PIGU: variants seen among roughly 807,000 people sequenced by gnomAD.
The protein encoded by PIGU is phosphatidylinositol glycan anchor biosynthesis class U, also known as GPI-anchor transamidase component PIGU.
Under a neutral mutation model 49.9 loss-of-function variants are expected in PIGU, and 24 were observed. The ratio of observed to expected loss-of-function variants is 0.48; its 90% CI spans 0.35 to 0.68. The LOEUF is 0.68. Ranked by LOEUF, PIGU falls within the 30% of genes least tolerant of loss-of-function variation. The probability of loss-of-function intolerance (pLI) is 0.01; values close to 1 mark genes in which losing one functional copy is unlikely to be tolerated. For synonymous variants in PIGU, 220 were observed against 205.7 expected, an observed-to-expected ratio of 1.07 and a Z score of -0.59; for missense variants, 490 against 532.6, an observed-to-expected ratio of 0.92 and a Z score of 0.79.
intron 11 of PIGU, among the ~76,000 whole-genome samples, chr20:34,570,287 A>T (rs1802649685): frequency 6.6e-6 from 1 of 152,224 alleles, no homozygotes; most frequent in Admixed American, 6.5e-5. Flanking sequence ...TCTCTCCATG[A>T]GCCTATGAGT....
At chr20:34,610,002 C>T (rs1334904895) in intron 7 of PIGU, among the ~76,000 whole-genome samples, 4 of 152,110 alleles carry the variant, frequency 2.6e-5, no homozygotes, top group East Asian at 3.8e-4. Flanking sequence ...GCTTCCCCTT[C>T]GGCTATATTT....
Position 34,626,324 on chromosome 20 carries a change from C to T in PIGU, c.529+8291G>A, listed in dbSNP as rs1345890859. On this transcript the variant is annotated intron_variant, in intron 6 of 11. Coordinates refer to ENST00000217446, the MANE Select transcript of PIGU (RefSeq NM_080476.5). ...CAAACTTTTTTTTTTTTTTTTGAGA[C>T]GGAGCTCCGCTTTTGTTGCCCAGGC... is the stretch of plus-strand genomic sequence containing the variant. Among the ~76,000 whole-genome samples the T allele has an allele frequency of 5.1e-5, 7 of 137,878 alleles. No individual in the cohort carries two copies. In the South Asian group the frequency reaches 6.7e-4, roughly 13 times the overall value. 90.5% of individuals were successfully genotyped at this position (137,878 alleles called of 152,430 possible).
intron 1 of PIGU, among the ~76,000 whole-genome samples, 154 bp from the exon 2 acceptor site, chr20:34,657,398 G>A (rs940343562): frequency 5.9e-5 from 9 of 152,170 alleles, no homozygotes; most frequent in African/African-American, 2.2e-4. Flanking sequence ...CATTTCTGAT[G>A]ACGGGAAACT....
chr20:34,675,707 G>A (rs1270064515), intron 1 of PIGU, among the ~76,000 whole-genome samples: 1 of 152,042 alleles, frequency 6.6e-6, no homozygotes, highest in African/African-American at 2.4e-5. Context: ...AACATTCTAT[G>A]GGATAACATC....
At chr20:34,668,905 A>C in intron 1 of PIGU, among the ~76,000 whole-genome samples, 1 of 91,512 alleles carries the variant, frequency 1.1e-5, no homozygotes, top group African/African-American at 4.4e-5. Flanking sequence ...TTTTTTACAC[A>C]GGGTCTTGCT....
At chr20:34,615,710 C>G (rs1264680349) in intron 7 of PIGU, among the ~76,000 whole-genome samples, 3 of 152,086 alleles carry the variant, frequency 2.0e-5, no homozygotes, top group Non-Finnish European at 4.4e-5. Flanking sequence ...TCTAGTGTAT[C>G]CCTGCCTGTT....
intron 5 of PIGU, among the ~76,000 whole-genome samples, chr20:34,635,132 C>A (rs982238922): frequency 6.6e-6 from 1 of 152,190 alleles, no homozygotes; most frequent in Non-Finnish European, 1.5e-5. Flanking sequence ...GTTCATTTTA[C>A]TATTTCAGAT....
In PIGU at chr20:34,599,359, A is replaced by C. The variant is rs1984324797; in HGVS notation, c.628-10752T>G. 2.6e-5 allele frequency among the ~76,000 whole-genome samples: 4 copies of C among 152,090 alleles called. No homozygotes were observed. In the South Asian group the frequency reaches 8.3e-4, roughly 32 times the overall value. ...TCCCAGCTACTCGGGAGGCTGAGAC[A>C]GGAGGATTGCTTAAGCCTAGGAAGC... On this transcript the variant is annotated intron_variant, in intron 7 of 11. Coordinates refer to ENST00000217446, the MANE Select transcript of PIGU (RefSeq NM_080476.5).
At chr20:34,631,476 T>C (rs1210258693) in intron 6 of PIGU, among the ~76,000 whole-genome samples, 1 of 150,996 alleles carries the variant, frequency 6.6e-6, no homozygotes, top group African/African-American at 2.4e-5. Flanking sequence ...CATAATGAAT[T>C]TAAAAAGACG....
At chr20:34,589,990 T>C (rs148118106) in intron 7 of PIGU, among the ~76,000 whole-genome samples, 7 of 152,036 alleles carry the variant, frequency 4.6e-5, no homozygotes, top group Middle Eastern at 3.4e-3. Flanking sequence ...ACAGCAATTA[T>C]GAAACAATAT....
At chr20:34,580,376 C>T (rs1381326274) in intron 10 of PIGU, among the ~76,000 whole-genome samples, 1 of 152,244 alleles carries the variant, frequency 6.6e-6, no homozygotes, top group African/African-American at 2.4e-5. Flanking sequence ...CCCACTAGGC[C>T]ATCACCTGCA....
chr20:34,599,334 TCCC>T (rs1984323047), intron 7 of PIGU, among the ~76,000 whole-genome samples: 1 of 152,008 alleles, frequency 6.6e-6, no homozygotes, highest in African/African-American at 2.4e-5. Context: ...GCGCCTGTAG[TCCC>T]AGCTACTCGG....
chr20:34,580,854 A>G (rs1391035876), intron 10 of PIGU, among the ~76,000 whole-genome samples: 1 of 152,170 alleles, frequency 6.6e-6, no homozygotes, highest in Non-Finnish European at 1.5e-5. Context: ...GTCACCACTA[A>G]GCCACCTCTG....
chr20:34,618,435 T>C (rs186173353), intron 6 of PIGU, among the ~76,000 whole-genome samples: 8 of 152,286 alleles, frequency 5.3e-5, no homozygotes, highest in African/African-American at 1.4e-4. Context: ...AATGATGTTT[T>C]TTAAAATGAC....
At chr20:34,639,445 T>C (rs1477877686) in intron 4 of PIGU, among the ~76,000 whole-genome samples, 3 of 151,838 alleles carry the variant, frequency 2.0e-5, no homozygotes, top group Non-Finnish European at 4.4e-5. Flanking sequence ...GTAACATATA[T>C]AATAAAAGTC....
At chr20:34,634,079 A>AT (rs1187568961) in intron 6 of PIGU, among the ~76,000 whole-genome samples, 2 of 150,670 alleles carry the variant, frequency 1.3e-5, no homozygotes, top group East Asian at 2.0e-4. Flanking sequence ...ACCTTTTTTA[A>AT]TTTTTTTTAA....
intron 9 of PIGU, among the ~76,000 whole-genome samples, chr20:34,583,266 C>T (rs1983560356): frequency 6.6e-6 from 1 of 152,222 alleles, no homozygotes; most frequent in Admixed American, 6.5e-5. Flanking sequence ...TGGCTTCAGG[C>T]TTTTCAGGTA....
chr20:34,592,437 G>GA (rs11475377), intron 7 of PIGU, among the ~76,000 whole-genome samples: 167 of 120,412 alleles, frequency 1.4e-3, no homozygotes, highest in African/African-American at 3.9e-3. Context: ...GAATAATTAA[G>GA]AAAAAAAAAA....
chr20:34,619,852 CCTG>C (rs1361685074), intron 6 of PIGU, among the ~76,000 whole-genome samples: 1 of 152,204 alleles, frequency 6.6e-6, no homozygotes, highest in African/African-American at 2.4e-5. Flanking sequence ...ATCTGTTCCT[CCTG>C]CTATTCTTTG....
Sources: allele counts gnomAD v4.1 joint callset (sites outside exome capture counted in the v4.1 genomes callset), GRCh38; gene constraint gnomAD v4.1.1; transcripts MANE v1.5; gene names NCBI Gene and HGNC (gene_info 2026-07-23, HGNC 2026-07-21).